HTR2C: variants seen among roughly 807,000 people sequenced by gnomAD.
The protein encoded by HTR2C is 5-hydroxytryptamine (serotonin) receptor 2C, G protein-coupled.
Under a neutral mutation model 21.0 loss-of-function variants are expected in HTR2C, and 5 were observed. That is an observed-to-expected ratio of 0.24 (90% confidence interval 0.12 to 0.50). HTR2C has a LOEUF of 0.50. Ranked by LOEUF, HTR2C falls within the 20% of genes least tolerant of loss-of-function variation. The pLI is 0.98. For missense variants in HTR2C, 271 were observed against 371.2 expected, an observed-to-expected ratio of 0.73 and a Z score of 2.22; for synonymous variants, 150 against 145.3, an observed-to-expected ratio of 1.03 and a Z score of -0.23.
chrX:114,708,973 C>T lies in HTR2C; in HGVS notation c.-79-17885C>T, dbSNP rs149379687. Among the ~76,000 whole-genome samples the T allele has an allele frequency of 3.1e-4, 35 of 111,845 alleles. No homozygotes were observed. In the East Asian group the frequency reaches 8.8e-3, roughly 28 times the overall value. ...GTCATTGCTTTCAAAACAACTAATA[C>T]AATTAAACAGTGATAGCAATATCAA... On this transcript the variant is annotated intron_variant, in intron 2 of 5. Coordinates refer to ENST00000276198, the MANE Select transcript of HTR2C (RefSeq NM_000868.4).
chrX:114,683,559 C>A (rs782571835), intron 2 of HTR2C, among the ~76,000 whole-genome samples: 3 of 110,670 alleles, frequency 2.7e-5, no homozygotes, highest in African/African-American at 9.9e-5. Context: ...CCAAGGCGGG[C>A]GGATCACTTG....
chrX:114,901,315 A>G (rs185487845), intron 5 of HTR2C, among the ~76,000 whole-genome samples: 5 of 112,193 alleles, frequency 4.5e-5, no homozygotes, highest in African/African-American at 9.7e-5. Flanking sequence ...AAATAACTTC[A>G]TCAACTAATG....
chrX:114,907,629 AT>A lies in HTR2C; in HGVS notation c.*218del. 1 of 308,691 alleles carries A rather than the reference AT, an allele frequency of 3.2e-6. No homozygotes were observed. The highest frequency in any genetic ancestry group is 5.7e-6 in the Non-Finnish European group (1 of 176,387). The allele number at this position is 308,691 out of a possible 1,213,427, so 25.4% of individuals were successfully genotyped here. A position where few individuals can be genotyped will look rare whatever the true frequency, so the allele number is the denominator to read the frequency against. ...GTTTATAATAGGTGGAGACTAACTT[AT>A]TTTGATTGTTTGATGAATAAAATGT... is the stretch of plus-strand genomic sequence containing the variant. On this transcript the variant is annotated 3_prime_UTR_variant, in exon 6 of 6. Coordinates refer to ENST00000276198, the MANE Select transcript of HTR2C (RefSeq NM_000868.4).
intron 4 of HTR2C, among the ~76,000 whole-genome samples, chrX:114,831,263 G>C (rs1319393581): frequency 1.3e-5 from 1 of 75,455 alleles, no homozygotes; most frequent in African/African-American, 4.4e-5. Context: ...GATCCCTGAG[G>C]AATCGCCACA....
chrX:114,602,613 A>G (rs1928170674), intron 1 of HTR2C, among the ~76,000 whole-genome samples: 1 of 81,503 alleles, frequency 1.2e-5, no homozygotes, highest in Admixed American at 1.5e-4. Context: ...TTTGACTAAT[A>G]AAACTCATCT....
chrX:114,702,848 A>G (rs782512523), intron 2 of HTR2C, among the ~76,000 whole-genome samples: 83 of 107,363 alleles, frequency 7.7e-4, no homozygotes, highest in African/African-American at 2.7e-3. Flanking sequence ...TAGGCTCACA[A>G]TAAAGGGACG....
chrX:114,733,340 G>A (rs2147347964), intron 4 of HTR2C, among the ~76,000 whole-genome samples: 1 of 109,234 alleles, frequency 9.2e-6, no homozygotes, highest in Admixed American at 9.9e-5. Context: ...AACCTGGGAG[G>A]CAGAGGTTGC....
chrX:114,826,290 T>G (rs1302522471), intron 4 of HTR2C, among the ~76,000 whole-genome samples: 1 of 110,354 alleles, frequency 9.1e-6, no homozygotes, highest in Non-Finnish European at 1.9e-5. Flanking sequence ...CAGGCTGGTC[T>G]CCTGGGTTCA....
chrX:114,820,727 T>G (rs1413084991), intron 4 of HTR2C, among the ~76,000 whole-genome samples: 1 of 110,763 alleles, frequency 9.0e-6, no homozygotes, highest in Non-Finnish European at 1.9e-5. Flanking sequence ...GCTGCTGCCA[T>G]GTAAGAAGGG....
intron 5 of HTR2C, among the ~76,000 whole-genome samples, chrX:114,885,519 A>G (rs1472638891): frequency 8.9e-6 from 1 of 112,020 alleles, no homozygotes; most frequent in Non-Finnish European, 1.9e-5. Flanking sequence ...TTATATAAAA[A>G]AGTTTGATTT....
In HTR2C at chrX:114,735,082, A is replaced by G. The variant is rs372718109; in HGVS notation, c.349+3475A>G. 1.7e-4 allele frequency among the ~76,000 whole-genome samples: 19 copies of G among 111,052 alleles called. No individual in the cohort carries two copies. The East Asian group carries it at 4.8e-3, about 28-fold the overall frequency. ...CACTTTGGGAGGCCTAGGCGGGCGG[A>G]TCACTTGTGGTCAAGAGTTCGAGAC... On this transcript the variant is annotated intron_variant, in intron 4 of 5. Coordinates refer to ENST00000276198, the MANE Select transcript of HTR2C (RefSeq NM_000868.4).
chrX:114,803,045 T>C (rs1248620208), intron 4 of HTR2C, among the ~76,000 whole-genome samples: 1 of 85,834 alleles, frequency 1.2e-5, no homozygotes, highest in Non-Finnish European at 2.3e-5. Context: ...TCCATGTCCC[T>C]ACAAAGGACA....
At chrX:114,718,049 G>A (rs369836313) in intron 2 of HTR2C, among the ~76,000 whole-genome samples, 4 of 110,767 alleles carry the variant, frequency 3.6e-5, no homozygotes, top group African/African-American at 1.3e-4. Context: ...TTGAGACAGG[G>A]TCTCACTGTG....
rs1280762165 is a variant in HTR2C at position 114,723,228 on chromosome X, C to G, written c.-79-3630C>G. On this transcript the variant is annotated intron_variant, in intron 2 of 5. Transcript: ENST00000276198. The stretch of plus-strand genomic sequence containing the variant: ...GGTCTATTCAGAGATTCAACTTCTT[C>G]CTGGTTTAGTCTTGGGAGAGTGTAT... Among the ~76,000 whole-genome samples the G allele has an allele frequency of 2.7e-5, 3 of 110,800 alleles. No individual in the cohort carries two copies. In the Admixed American group the frequency reaches 2.9e-4, roughly 11 times the overall value.
chrX:114,882,324 T>G (rs782744279), intron 5 of HTR2C, among the ~76,000 whole-genome samples: 1 of 110,685 alleles, frequency 9.0e-6, no homozygotes, highest in South Asian at 3.7e-4. Flanking sequence ...CTTTCCAATC[T>G]AGATGCATTT....
At chrX:114,794,858 G>A (rs1429150990) in intron 4 of HTR2C, among the ~76,000 whole-genome samples, 1 of 109,801 alleles carries the variant, frequency 9.1e-6, no homozygotes, top group Non-Finnish European at 1.9e-5. Flanking sequence ...TGTCTTTATA[G>A]CAGCATGATT....
chrX:114,715,371 C>G (rs1556419667), intron 2 of HTR2C: 1 of 372,329 alleles, frequency 2.7e-6, no homozygotes, highest in Non-Finnish European at 5.4e-6. Context: ...ACCAGAAGAG[C>G]CTGTTATAAA....
chrX:114,808,296 C>T (rs1215474112), intron 4 of HTR2C, among the ~76,000 whole-genome samples: 1 of 111,599 alleles, frequency 9.0e-6, no homozygotes, highest in African/African-American at 3.3e-5. Flanking sequence ...TTGCAAATGG[C>T]AGGATCTCTT....
intron 5 of HTR2C, among the ~76,000 whole-genome samples, chrX:114,869,212 G>T (rs1174963515): frequency 1.8e-5 from 2 of 111,582 alleles, no homozygotes; most frequent in African/African-American, 6.5e-5. Context: ...TGGTGTATAT[G>T]TGCCACATTT....
Sources: gnomAD v4.1 joint callset for allele counts (sites outside exome capture counted in the v4.1 genomes callset) on GRCh38, gnomAD v4.1.1 for gene constraint, MANE v1.5 for transcripts, NCBI Gene and HGNC (gene_info 2026-07-23, HGNC 2026-07-21) for gene names.